Variants in VRK2 observed in about 807,000 individuals in gnomAD.
The protein encoded by VRK2 is VRK serine/threonine kinase 2.
Under a neutral mutation model 57.6 loss-of-function variants are expected in VRK2, and 60 were observed. The observed-to-expected ratio is 1.04, with a 90% CI of 0.85 to 1.29. The LOEUF is 1.29. Ranked by LOEUF, VRK2 falls within the 50% of genes most tolerant of loss-of-function variation. The pLI is 0.00. For missense variants in VRK2, 705 were observed against 588.1 expected (o/e 1.20, Z -2.06); for synonymous variants, 231 against 199.2 (o/e 1.16, Z -1.35).
At chr2:57,932,425 A>T (rs1209012752) in intron 1 of VRK2, among the ~76,000 whole-genome samples, 3 of 152,116 alleles carry the variant, frequency 2.0e-5, no homozygotes, top group Non-Finnish European at 4.4e-5. Context: ...AATTCATCTT[A>T]TTGATTATCT....
At chr2:57,920,012 A>C (rs1267588105) in intron 1 of VRK2, among the ~76,000 whole-genome samples, 1 of 152,124 alleles carries the variant, frequency 6.6e-6, no homozygotes, top group Non-Finnish European at 1.5e-5. Context: ...TTTTCATGAT[A>C]ATTTATGATA....
chr2:58,065,872 G>A (rs1174108329), intron 2 of VRK2, among the ~76,000 whole-genome samples: 1 of 152,048 alleles, frequency 6.6e-6, no homozygotes. Flanking sequence ...TATTGAAAAT[G>A]TTCTTGGTTT....
At chr2:58,046,630 C>T, upstream of VRK2, 5 of 985,622 alleles carry the variant, frequency 5.1e-6, no homozygotes, top group South Asian at 1.9e-4. Context: ...TTCCCCTGGG[C>T]GTCTCCGGGG....
intron 7 of VRK2, among the ~76,000 whole-genome samples, chr2:58,109,090 A>C (rs1675176267): frequency 6.6e-6 from 1 of 151,884 alleles, no homozygotes. Context: ...TATGCTTGGC[A>C]CTCAGGTATC....
Position 58,084,138 on chromosome 2 carries a change from GGTAA to G in VRK2, c.186+3_186+6del, listed in dbSNP as rs764010150. On this transcript the variant is annotated splice_donor_variant and splice_donor_region_variant and intron_variant, in intron 3 of 12. Coordinates refer to ENST00000340157, the MANE Select transcript of VRK2 (RefSeq NM_006296.7). LOFTEE classifies it high-confidence loss of function. ...AAGATGCAAGACATGTAGTAAAAGT[GGTAA>G]GTGTTGCTCATAGATTTGTATTTCA... 18 of 1,604,138 alleles carry G rather than the reference GGTAA, an allele frequency of 1.1e-5. No homozygotes were observed. The highest frequency in any genetic ancestry group is 1.4e-5 in the Non-Finnish European group (17 of 1,174,016).
At chr2:58,069,255 A>G (rs1289233485) in intron 2 of VRK2, among the ~76,000 whole-genome samples, 2 of 152,180 alleles carry the variant, frequency 1.3e-5, no homozygotes, top group Non-Finnish European at 2.9e-5. Flanking sequence ...TTTCAATAGC[A>G]AAAGTATTGT....
intron 1 of VRK2, among the ~76,000 whole-genome samples, chr2:57,925,597 T>C (rs1375872023): frequency 1.3e-5 from 2 of 151,992 alleles, no homozygotes; most frequent in African/African-American, 4.8e-5. Context: ...CTTTTTTTAA[T>C]AGTCTGGCTC....
At chr2:57,909,367 AC>A (rs1191806154) in intron 1 of VRK2, among the ~76,000 whole-genome samples, 1 of 152,222 alleles carries the variant, frequency 6.6e-6, no homozygotes, top group African/African-American at 2.4e-5. Context: ...TCATAGCATC[AC>A]TATGGAGATT....
At chr2:57,926,051 T>C (rs895091448) in intron 1 of VRK2, among the ~76,000 whole-genome samples, 24 of 152,216 alleles carry the variant, frequency 1.6e-4, no homozygotes, top group African/African-American at 5.1e-4. Context: ...CAATTTCTCT[T>C]GATACTGATT....
At chr2:57,971,397 T>G (rs1279056966) in intron 1 of VRK2, among the ~76,000 whole-genome samples, 5 of 151,986 alleles carry the variant, frequency 3.3e-5, no homozygotes, top group African/African-American at 9.7e-5. Flanking sequence ...CATTGCTTGT[T>G]TAAACAGTTT....
intron 2 of VRK2, among the ~76,000 whole-genome samples, chr2:58,082,154 G>C (rs1322285483): frequency 6.6e-6 from 1 of 151,724 alleles, no homozygotes; most frequent in Non-Finnish European, 1.5e-5. Context: ...GAGATTTTCA[G>C]GTATGTGTCA....
intron 2 of VRK2, among the ~76,000 whole-genome samples, chr2:58,083,884 T>C (rs1455946525): frequency 6.6e-6 from 1 of 151,836 alleles, no homozygotes; most frequent in East Asian, 1.9e-4. Context: ...TATTACCTCT[T>C]AGTGAGCAAT....
intron 12 of VRK2, among the ~76,000 whole-genome samples, chr2:58,152,387 A>C (rs1683203182): frequency 6.6e-6 from 1 of 151,704 alleles, no homozygotes; most frequent in African/African-American, 2.4e-5. Context: ...TTTATCCCTC[A>C]TCCTTTGTGC....
intron 10 of VRK2, among the ~76,000 whole-genome samples, chr2:58,136,312 G>C (rs1393052404): frequency 1.3e-5 from 2 of 151,956 alleles, no homozygotes; most frequent in African/African-American, 4.8e-5. Flanking sequence ...GTTGCAAGAT[G>C]AAATTTTTGT....
chr2:57,945,163 G>C (rs1671222652), intron 1 of VRK2, among the ~76,000 whole-genome samples: 1 of 151,998 alleles, frequency 6.6e-6, no homozygotes, highest in African/African-American at 2.4e-5. Context: ...ATGTCAAGTA[G>C]GTCAATAAAA....
intron 1 of VRK2, among the ~76,000 whole-genome samples, chr2:57,918,277 A>G (rs1328293216): frequency 2.0e-5 from 3 of 152,078 alleles, no homozygotes; most frequent in Admixed American, 2.0e-4. Context: ...TTCTTTGGCA[A>G]AAGAGACTGG....
chr2:58,067,121 A>G (rs1420642112), intron 2 of VRK2, among the ~76,000 whole-genome samples: 1 of 152,142 alleles, frequency 6.6e-6, no homozygotes, highest in Non-Finnish European at 1.5e-5. Context: ...TGACTGACAT[A>G]AAGACTGCAG....
intron 1 of VRK2, among the ~76,000 whole-genome samples, chr2:57,999,146 A>G (rs947539662): frequency 2.0e-5 from 3 of 152,224 alleles, no homozygotes; most frequent in Non-Finnish European, 4.4e-5. Flanking sequence ...CAGCCCATTT[A>G]GCCAAACACC....
chr2:57,919,147 A>G (rs917658350), intron 1 of VRK2, among the ~76,000 whole-genome samples: 1 of 152,104 alleles, frequency 6.6e-6, no homozygotes, highest in Non-Finnish European at 1.5e-5. Context: ...TCATTGGATA[A>G]TGGCAGACTC....
Sources: allele counts gnomAD v4.1 joint callset (sites outside exome capture counted in the v4.1 genomes callset), GRCh38; gene constraint gnomAD v4.1.1; transcripts MANE v1.5; gene names NCBI Gene and HGNC (gene_info 2026-07-23, HGNC 2026-07-21).